The following MARCHF1 variants were observed in gnomAD, a reference collection of about 807,000 sequenced individuals.
The protein encoded by MARCHF1 is membrane associated ring-CH-type finger 1.
A neutral mutation model predicts 54.2 loss-of-function variants in MARCHF1; 40 were observed. The ratio of observed to expected loss-of-function variants is 0.74; its 90% CI spans 0.57 to 0.96. The LOEUF is 0.96. MARCHF1 is among the 40% of genes least tolerant of loss of function. MARCHF1 has a pLI of 0.00. For missense variants in MARCHF1, 586 were observed against 656.5 expected, an observed-to-expected ratio of 0.89 and a Z score of 1.17; for synonymous variants, 236 against 236.3, an observed-to-expected ratio of 1.00 and a Z score of 0.01.
intron 1 of MARCHF1, among the ~76,000 whole-genome samples, chr4:164,222,775 T>G (rs1040517010): frequency 6.6e-6 from 1 of 152,074 alleles, no homozygotes; most frequent in Non-Finnish European, 1.5e-5. Context: ...GTTTATGACA[T>G]GTATTATTTG....
chr4:163,566,716 G>GT (rs1739656355), intron 8 of MARCHF1, among the ~76,000 whole-genome samples: 1 of 152,108 alleles, frequency 6.6e-6, no homozygotes, highest in South Asian at 2.1e-4. Context: ...TGAAAGCCTT[G>GT]TTTGCTAGAA....
intron 1 of MARCHF1, among the ~76,000 whole-genome samples, chr4:164,362,093 T>C (rs1281934042): frequency 1.3e-5 from 2 of 152,118 alleles, no homozygotes; most frequent in African/African-American, 4.8e-5. Flanking sequence ...AAAAATGTAG[T>C]TTAAATTTAA....
At chr4:164,249,039 A>G (rs892520109) in intron 1 of MARCHF1, among the ~76,000 whole-genome samples, 64 of 152,190 alleles carry the variant, frequency 4.2e-4, no homozygotes, top group African/African-American at 1.4e-3. Context: ...CTTTTCCCCA[A>G]GTGTTGCTGG....
intron 1 of MARCHF1, among the ~76,000 whole-genome samples, chr4:164,211,321 A>T (rs952367682): frequency 1.4e-5 from 1 of 73,918 alleles, no homozygotes; most frequent in Non-Finnish European, 2.6e-5. Flanking sequence ...GCATATGTGT[A>T]TGTATGTATG....
intron 4 of MARCHF1, among the ~76,000 whole-genome samples, chr4:163,773,481 G>A (rs1747216404): frequency 6.6e-6 from 1 of 152,192 alleles, no homozygotes; most frequent in Admixed American, 6.6e-5. Flanking sequence ...CACGAAGACA[G>A]TTTTATCACT....
Position 163,652,907 on chromosome 4 carries a change from C to G in MARCHF1, c.163-39514G>C, listed in dbSNP as rs1743016057. On this transcript the variant is annotated intron_variant, in intron 5 of 9. Coordinates refer to ENST00000514618, the MANE Select transcript of MARCHF1 (RefSeq NM_001394959.1). ...CTCCAATTATGTTCCTGGTGTTGTTCTAGGAATTGAAGATATAACAGTAAA... is the reference window on the plus strand; with the variant it reads ...CTCCAATTATGTTCCTGGTGTTGTTGTAGGAATTGAAGATATAACAGTAAA... Among the ~76,000 whole-genome samples, 3 of 151,744 alleles carry G rather than the reference C, an allele frequency of 2.0e-5. No homozygotes were observed. In the South Asian group the frequency reaches 6.2e-4, roughly 31 times the overall value.
intron 3 of MARCHF1, among the ~76,000 whole-genome samples, chr4:163,964,377 G>A (rs1752400988): frequency 6.6e-6 from 1 of 151,910 alleles, no homozygotes; most frequent in Non-Finnish European, 1.5e-5. Context: ...AACTCAATGT[G>A]AGTAATTACT....
At chr4:164,217,206 C>T (rs1270694182) in intron 1 of MARCHF1, among the ~76,000 whole-genome samples, 2 of 152,124 alleles carry the variant, frequency 1.3e-5, no homozygotes, top group African/African-American at 4.8e-5. Context: ...TTATGATTAA[C>T]CCATTTTTCT....
intron 1 of MARCHF1, among the ~76,000 whole-genome samples, chr4:164,208,811 G>C (rs1731682850): frequency 6.6e-6 from 1 of 152,104 alleles, no homozygotes. Context: ...AGCTGGGTGT[G>C]GTGGCGTGAG....
At chr4:164,269,746 T>A (rs1377472255) in intron 1 of MARCHF1, among the ~76,000 whole-genome samples, 12 of 152,008 alleles carry the variant, frequency 7.9e-5, no homozygotes, top group Non-Finnish European at 1.8e-4. Context: ...CAAAGCCTGG[T>A]TTTTGTGTTT....
chr4:163,555,081 T>A (rs948488758), intron 8 of MARCHF1, among the ~76,000 whole-genome samples: 6 of 152,164 alleles, frequency 3.9e-5, no homozygotes, highest in African/African-American at 1.2e-4. Context: ...TCACGCATAA[T>A]GATGATATGA....
intron 4 of MARCHF1, among the ~76,000 whole-genome samples, chr4:163,840,971 AT>A (rs543448722): frequency 4.5e-3 from 175 of 38,720 alleles, no homozygotes; most frequent in Non-Finnish European, 0.011. Context: ...TTTATGAGCA[AT>A]TTTTTAAAAA....
At chr4:164,008,474 A>G (rs921711636) in intron 2 of MARCHF1, among the ~76,000 whole-genome samples, 1 of 152,140 alleles carries the variant, frequency 6.6e-6, no homozygotes, top group Non-Finnish European at 1.5e-5. Context: ...CACATATTAG[A>G]TAAAATAGAC....
intron 1 of MARCHF1, among the ~76,000 whole-genome samples, chr4:164,349,737 A>G (rs1730223800): frequency 1.3e-5 from 2 of 152,226 alleles, no homozygotes; most frequent in African/African-American, 4.8e-5. Flanking sequence ...AGAATGTAAT[A>G]TAAAGAAAGA....
chr4:163,916,144 G>A (rs765878860), intron 3 of MARCHF1, among the ~76,000 whole-genome samples: 13 of 152,092 alleles, frequency 8.5e-5, no homozygotes, highest in Admixed American at 2.0e-4. Flanking sequence ...GTTGATCTGC[G>A]TCTCTCGAAA....
intron 3 of MARCHF1, among the ~76,000 whole-genome samples, chr4:163,953,733 T>G: frequency 6.6e-6 from 1 of 152,170 alleles, no homozygotes; most frequent in East Asian, 1.9e-4. Context: ...TTTTACACTT[T>G]TAAGGGGTTA....
chr4:163,973,423 A>G (rs572269975), intron 3 of MARCHF1, among the ~76,000 whole-genome samples: 1 of 152,344 alleles, frequency 6.6e-6, no homozygotes, highest in South Asian at 2.1e-4. Context: ...ATTATCCAAA[A>G]GCTACTCTGG....
intron 1 of MARCHF1, among the ~76,000 whole-genome samples, chr4:164,198,949 C>T (rs1418315798): frequency 6.6e-6 from 1 of 152,106 alleles, no homozygotes; most frequent in Non-Finnish European, 1.5e-5. Flanking sequence ...AAATATATTT[C>T]CTGAAATCTT....
chr4:164,248,838 G>C (rs1013122753), intron 1 of MARCHF1, among the ~76,000 whole-genome samples: 5 of 151,614 alleles, frequency 3.3e-5, no homozygotes, highest in Admixed American at 3.3e-4. Flanking sequence ...AGACAGAAAA[G>C]ATCAAAAAAA....
Sources: gnomAD v4.1 joint callset for allele counts (sites outside exome capture counted in the v4.1 genomes callset) on GRCh38, gnomAD v4.1.1 for gene constraint, MANE v1.5 for transcripts, NCBI Gene and HGNC (gene_info 2026-07-23, HGNC 2026-07-21) for gene names.